The following WWOX variants were observed in gnomAD, a reference collection of about 807,000 sequenced individuals.
WWOX encodes the protein WW domain-containing oxidoreductase.
Under a neutral mutation model 46.2 loss-of-function variants are expected in WWOX, and 69 were observed. The ratio of observed to expected loss-of-function variants is 1.49; its 90% CI spans 1.23 to 1.82. The LOEUF (loss-of-function observed/expected upper bound fraction) is 1.82. WWOX is among the 40% of genes most tolerant of loss of function. The pLI is 0.00. For missense variants in WWOX, 919 were observed against 542.6 expected, an observed-to-expected ratio of 1.69 and a Z score of -6.89; for synonymous variants, 359 against 202.6, an observed-to-expected ratio of 1.77 and a Z score of -6.56.
intron 4 of WWOX, among the ~76,000 whole-genome samples, chr16:78,152,750 G>T (rs1047363275): frequency 6.6e-6 from 1 of 152,174 alleles, no homozygotes; most frequent in African/African-American, 2.4e-5. Flanking sequence ...CTTGCCTCTC[G>T]AGAGATCTCA....
intron 8 of WWOX, among the ~76,000 whole-genome samples, chr16:78,727,466 C>T (rs752408105): frequency 2.0e-5 from 3 of 152,108 alleles, no homozygotes; most frequent in Non-Finnish European, 4.4e-5. Context: ...AATACATCAC[C>T]ACAGAACTGC....
chr16:78,355,509 G>C (rs36054930), intron 5 of WWOX: 32,959 of 366,548 alleles, frequency 0.09, 1,873 homozygotes, highest in African/African-American at 0.19. Flanking sequence ...GGCTGAGACC[G>C]AAGAATTACT....
At chr16:79,000,798 C>G (rs2047077763) in intron 8 of WWOX, among the ~76,000 whole-genome samples, 1 of 152,204 alleles carries the variant, frequency 6.6e-6, no homozygotes, top group Non-Finnish European at 1.5e-5. Context: ...CTAAAAGCCC[C>G]TTTCTTGGGA....
At chr16:78,569,855 C>T (rs891127500) in intron 8 of WWOX, among the ~76,000 whole-genome samples, 1 of 152,164 alleles carries the variant, frequency 6.6e-6, no homozygotes, top group South Asian at 2.1e-4. Flanking sequence ...GTGACCTCAT[C>T]GACAGGCTGC....
chr16:78,212,261 C>G (rs1296322311), intron 5 of WWOX, among the ~76,000 whole-genome samples: 2 of 152,194 alleles, frequency 1.3e-5, no homozygotes, highest in Admixed American at 6.5e-5. Flanking sequence ...GATTTCTTCT[C>G]TGAGGGCAGA....
chr16:79,165,468 C>T (rs752405435), intron 8 of WWOX, among the ~76,000 whole-genome samples: 1 of 152,152 alleles, frequency 6.6e-6, no homozygotes, highest in Non-Finnish European at 1.5e-5. Flanking sequence ...TAAAAAAATA[C>T]GAAAAATAGA....
At position 78,432,748 on chromosome 16, in the gene WWOX, C is replaced by A; in HGVS notation, c.1052C>A (p.Ser351Tyr). The change falls in exon 8 of 9, where the codon TCC becomes TAC. Residue 351 changes from serine (S) to tyrosine (Y), a missense_variant. Coordinates refer to ENST00000566780, the MANE Select transcript of WWOX (RefSeq NM_016373.4). ...ACCTTGGCGAGGCCTTTCACCAAGT[C>A]CATGGTAAGAGAACAGCTTCTGGCG... Reference protein sequence around the residue: ...LFTLARPFTKSMQQGAATTVY... With the variant: ...LFTLARPFTKYMQQGAATTVY... The A allele has an allele frequency of 1.9e-6, 3 of 1,614,162 alleles. No individual in the cohort carries two copies. The highest frequency in any genetic ancestry group is 1.7e-6 in the Non-Finnish European group (2 of 1,180,042).
intron 6 of WWOX, among the ~76,000 whole-genome samples, chr16:78,419,426 C>T (rs2082871920): frequency 1.3e-5 from 2 of 151,800 alleles, no homozygotes; most frequent in Admixed American, 1.3e-4. Flanking sequence ...GTCATATTGG[C>T]ATAAGAATAG....
At chr16:78,597,604 C>G (rs2045520831) in intron 8 of WWOX, among the ~76,000 whole-genome samples, 1 of 152,074 alleles carries the variant, frequency 6.6e-6, no homozygotes, top group Non-Finnish European at 1.5e-5. Flanking sequence ...TTCAAATTAA[C>G]CTCATTAAGT....
chr16:78,700,984 A>G (rs762647016), intron 8 of WWOX, among the ~76,000 whole-genome samples: 7 of 152,128 alleles, frequency 4.6e-5, no homozygotes, highest in Admixed American at 1.3e-4. Context: ...AGGAAGTACA[A>G]TGTCCTGGAG....
At chr16:78,755,738 G>A (rs1236822554) in intron 8 of WWOX, among the ~76,000 whole-genome samples, 1 of 152,090 alleles carries the variant, frequency 6.6e-6, no homozygotes, top group East Asian at 1.9e-4. Context: ...TATTAAATAT[G>A]CCGAATATTA....
At chr16:78,640,791 T>G (rs1189410889) in intron 8 of WWOX, among the ~76,000 whole-genome samples, 1 of 151,854 alleles carries the variant, frequency 6.6e-6, no homozygotes, top group African/African-American at 2.4e-5. Context: ...TACAAAAAAT[T>G]AGCCGGGCGT....
intron 8 of WWOX, among the ~76,000 whole-genome samples, chr16:78,710,502 A>G (rs1285101232): frequency 2.9e-5 from 4 of 137,772 alleles, no homozygotes; most frequent in African/African-American, 8.0e-5. Flanking sequence ...ATATATATTT[A>G]TATAAATATA....
At chr16:78,635,407 A>C (rs1043406240) in intron 8 of WWOX, among the ~76,000 whole-genome samples, 1 of 151,974 alleles carries the variant, frequency 6.6e-6, no homozygotes, top group Admixed American at 6.6e-5. Context: ...GGGAGGAACT[A>C]GGGGAGCGCT....
At chr16:79,049,527 G>C (rs539919205) in intron 8 of WWOX, among the ~76,000 whole-genome samples, 1 of 152,258 alleles carries the variant, frequency 6.6e-6, no homozygotes, top group South Asian at 2.1e-4. Flanking sequence ...GCATTGTTGA[G>C]GGGCTTTCTC....
intron 8 of WWOX, among the ~76,000 whole-genome samples, chr16:78,872,578 A>G (rs1013619360): frequency 6.6e-6 from 1 of 152,080 alleles, no homozygotes; most frequent in African/African-American, 2.4e-5. Context: ...ATAATTAACT[A>G]AAATACCTTA....
chr16:78,139,374 GT>G (rs1386208344), intron 4 of WWOX, among the ~76,000 whole-genome samples: 14 of 152,320 alleles, frequency 9.2e-5, no homozygotes, highest in African/African-American at 2.6e-4. Context: ...GTCTGGCACT[GT>G]TGGCTCATGC....
chr16:78,173,455 ATTTTTTTTT>A (rs35394224), intron 5 of WWOX, among the ~76,000 whole-genome samples: 2 of 135,854 alleles, frequency 1.5e-5, no homozygotes, highest in Non-Finnish European at 1.6e-5. Flanking sequence ...CACCTGGCTA[ATTTTTTTTT>A]TTTTTTTTTT....
chr16:78,676,539 A>G (rs138306291), intron 8 of WWOX, among the ~76,000 whole-genome samples: 6 of 152,114 alleles, frequency 3.9e-5, no homozygotes, highest in South Asian at 4.1e-4. Context: ...CTCAAAGTCT[A>G]CAGTCTAAAA....
Sources: gnomAD v4.1 joint callset for allele counts (sites outside exome capture counted in the v4.1 genomes callset) on GRCh38, gnomAD v4.1.1 for gene constraint, MANE v1.5 for transcripts, NCBI Gene and HGNC (gene_info 2026-07-23, HGNC 2026-07-21) for gene names.